The following AIF1L variants were observed in gnomAD, a reference collection of about 807,000 sequenced individuals.
AIF1L encodes allograft inflammatory factor 1 like, also known as allograft inflammatory factor 1-like.
A neutral mutation model predicts 20.7 loss-of-function variants in AIF1L; 12 were observed. The observed-to-expected ratio is 0.58, with a 90% CI of 0.37 to 0.94. The LOEUF is 0.94. Ranked by LOEUF, AIF1L falls within the 40% of genes least tolerant of loss-of-function variation. AIF1L has a pLI of 0.01. For synonymous variants in AIF1L, 76 were observed against 65.1 expected, an observed-to-expected ratio of 1.17 and a Z score of -0.81; for missense variants, 173 against 185.3, an observed-to-expected ratio of 0.93 and a Z score of 0.39.
At chr9:131,109,188 TTGAATGAGTGAATGAA>T (rs1033035381) in intron 2 of AIF1L, among the ~76,000 whole-genome samples, 5 of 78,978 alleles carry the variant, frequency 6.3e-5, no homozygotes, top group African/African-American at 2.2e-4. Context: ...CCCCAGAATG[TTGAATGAGTGAATGAA>T]TGAATGAATG....
At chr9:131,099,886 C>A (rs2133372828) in intron 2 of AIF1L, among the ~76,000 whole-genome samples, 1 of 152,194 alleles carries the variant, frequency 6.6e-6, no homozygotes, top group South Asian at 2.1e-4. Context: ...GCCACCACGC[C>A]CAGCTAATCT....
chr9:131,118,549 CTTTT>C (rs111644082), intron 5 of AIF1L, among the ~76,000 whole-genome samples: 1 of 139,260 alleles, frequency 7.2e-6, no homozygotes, highest in Non-Finnish European at 1.6e-5. Context: ...CTTAGTTTTC[CTTTT>C]TTTTTTTTTT....
intron 2 of AIF1L, among the ~76,000 whole-genome samples, chr9:131,110,955 C>T (rs1176401728): frequency 6.6e-6 from 1 of 151,290 alleles, no homozygotes; most frequent in Non-Finnish European, 1.5e-5. Flanking sequence ...GCGGGGGGAT[C>T]AACTGAGGTC....
chr9:131,106,724 G>T (rs1830757911), intron 2 of AIF1L, among the ~76,000 whole-genome samples: 1 of 152,032 alleles, frequency 6.6e-6, no homozygotes, highest in South Asian at 2.1e-4. Context: ...GGTCGAGGCT[G>T]CAGTGAGCTG....
chr9:131,115,318 C>T (rs941708220), intron 4 of AIF1L, among the ~76,000 whole-genome samples: 26 of 151,734 alleles, frequency 1.7e-4, no homozygotes, highest in Admixed American at 2.6e-4. Flanking sequence ...GGTGTGGTGG[C>T]GGGTGCCTGT....
At chr9:131,109,516 G>A (rs1017155705) in intron 2 of AIF1L, among the ~76,000 whole-genome samples, 8 of 152,070 alleles carry the variant, frequency 5.3e-5, no homozygotes, top group African/African-American at 1.4e-4. Context: ...CCAACATTGC[G>A]CCACTGGACT....
chr9:131,096,710 C>T (rs1830535505), intron 1 of AIF1L, 50 bp downstream of exon 1: 1 of 1,446,528 alleles, frequency 6.9e-7, no homozygotes, highest in African/African-American at 1.5e-5. Context: ...GGGCGGACCG[C>T]GGGGTCCACC....
intron 2 of AIF1L, among the ~76,000 whole-genome samples, chr9:131,098,579 A>C (rs1047695931): frequency 2.0e-5 from 3 of 151,496 alleles, no homozygotes; most frequent in Admixed American, 1.3e-4. Context: ...TGGTTGGACA[A>C]GCCAGAAGAG....
At chr9:131,100,065 C>T (rs1830604458) in intron 2 of AIF1L, among the ~76,000 whole-genome samples, 2 of 151,448 alleles carry the variant, frequency 1.3e-5, no homozygotes, top group Admixed American at 6.6e-5. Context: ...TTAACAGAGA[C>T]AGGGTCTCAC....
chr9:131,116,147 CA>C (rs1218791902), intron 4 of AIF1L, among the ~76,000 whole-genome samples: 1 of 152,102 alleles, frequency 6.6e-6, no homozygotes, highest in African/African-American at 2.4e-5. Flanking sequence ...ATTCTAATCA[CA>C]AAAGCTGTTT....
At chr9:131,106,060 C>A in intron 2 of AIF1L, 1 of 1,041,554 alleles carries the variant, frequency 9.6e-7, no homozygotes, top group Non-Finnish European at 1.4e-6. Flanking sequence ...CTCAAGTGAT[C>A]CTCCCTCCTC....
chr9:131,119,506 G>GAA (rs10612336), intron 5 of AIF1L, among the ~76,000 whole-genome samples: 15,361 of 139,828 alleles, frequency 0.11, 1,214 homozygotes, highest in African/African-American at 0.23. Context: ...TGTCTCAAAA[G>GAA]AAAAAAAAAA....
rs374582189 is a variant in AIF1L at position 131,114,556 on chromosome 9, T to C, written c.161-21T>C. On this transcript the variant is annotated intron_variant, in intron 3 of 5. Transcript: ENST00000247291. ...GACGCTGCTTCCAAACTAATGCTAG[T>C]TTTTGCTCTGTGATTTCCAGAGAAG... 1.9e-6 allele frequency: 3 copies of C among 1,613,606 alleles called. No individual in the cohort carries two copies. In the African/African-American group the frequency reaches 4.0e-5, roughly 22 times the overall value.
At chr9:131,108,993 G>C (rs1242358769) in intron 2 of AIF1L, among the ~76,000 whole-genome samples, 1 of 152,192 alleles carries the variant, frequency 6.6e-6, no homozygotes, top group Non-Finnish European at 1.5e-5. Flanking sequence ...TGTCCTAAGA[G>C]ATATGTAAGA....
intron 2 of AIF1L, among the ~76,000 whole-genome samples, chr9:131,099,861 G>C (rs1830599900): frequency 6.6e-6 from 1 of 151,892 alleles, no homozygotes; most frequent in Non-Finnish European, 1.5e-5. Flanking sequence ...CGAGTAACTG[G>C]GACTACAGGC....
intron 3 of AIF1L, chr9:131,111,912 C>T (rs2133393617): frequency 1.9e-6 from 1 of 531,402 alleles, no homozygotes; most frequent in East Asian, 3.3e-5. Flanking sequence ...CCCTGCCCCT[C>T]TCTCTCCCCT....
Position 131,119,751 on chromosome 9 carries a change from C to G in AIF1L, c.366-484C>G, listed in dbSNP as rs367795297. Among the ~76,000 whole-genome samples, 17 of 152,262 alleles carry G rather than the reference C, an allele frequency of 1.1e-4. No individual in the cohort carries two copies. In the East Asian group the frequency reaches 2.3e-3, roughly 21 times the overall value. Reference sequence around the variant, plus strand: ...AGGTCAAGTGTCTTGCTTGAGCCACCCGGCTGGGAAGTAGCAGGGCTGGCA... The same window carrying G: ...AGGTCAAGTGTCTTGCTTGAGCCACGCGGCTGGGAAGTAGCAGGGCTGGCA... On this transcript the variant is annotated intron_variant, in intron 5 of 5. Transcript: ENST00000247291.
chr9:131,120,919 G>T lies in AIF1L; in HGVS notation c.*597G>T. The T allele has an allele frequency of 2.0e-6, 1 of 501,514 alleles. No individual in the cohort carries two copies. Among genetic ancestry groups the T allele is most frequent in the Non-Finnish European group, 3.6e-6 (1 of 277,284 alleles). The allele number at this position is 501,514 out of a possible 1,614,324, so 31.1% of individuals were successfully genotyped here. On this transcript the variant is annotated 3_prime_UTR_variant, in exon 6 of 6. Transcript: ENST00000247291. ...GTGAAGGTGGGAAGGAAAGGAGCTT[G>T]GCATTGGGAGCCCTTCAAGAAGGTA...
At chr9:131,110,397 C>T (rs1373417065) in intron 2 of AIF1L, among the ~76,000 whole-genome samples, 1 of 152,104 alleles carries the variant, frequency 6.6e-6, no homozygotes, top group Non-Finnish European at 1.5e-5. Context: ...GAGATTAAAA[C>T]CCCCATTTTA....
Sources: gnomAD v4.1 joint callset for allele counts (sites outside exome capture counted in the v4.1 genomes callset) on GRCh38, gnomAD v4.1.1 for gene constraint, MANE v1.5 for transcripts, NCBI Gene and HGNC (gene_info 2026-07-23, HGNC 2026-07-21) for gene names.